The following TRPM6 variants were observed in gnomAD, a reference collection of about 807,000 sequenced individuals.
TRPM6 encodes the protein transient receptor potential cation channel subfamily M member 6.
Under a neutral mutation model 247.6 loss-of-function variants are expected in TRPM6, and 111 were observed. That is an observed-to-expected ratio of 0.45 (90% CI 0.38 to 0.52). The LOEUF (loss-of-function observed/expected upper bound fraction) is 0.52, where lower values mean the gene tolerates loss of function less well. Ranked by LOEUF, TRPM6 falls within the 20% of genes least tolerant of loss-of-function variation. The pLI, the probability that TRPM6 is intolerant of heterozygous loss-of-function variation, is 0.00. For missense variants in TRPM6, 2,126 were observed against 2,421.5 expected (o/e 0.88, Z 2.56); for synonymous variants, 892 against 853.8 (o/e 1.04, Z -0.78).
intron 33 of TRPM6, among the ~76,000 whole-genome samples, chr9:74,741,400 A>G (rs557553776): frequency 3.3e-4 from 50 of 152,152 alleles, no homozygotes; most frequent in African/African-American, 1.2e-3. Flanking sequence ...TCCCTCTTGC[A>G]TCTAATTCCT....
Position 74,812,337 on chromosome 9 carries a change from A to G in TRPM6, c.1405T>C (p.Phe469Leu). Residue 469 changes from phenylalanine to leucine, a missense_variant, in exon 12 of 39, where the codon TTT (phenylalanine) becomes CTT (leucine). By Grantham distance (22) the Phe-to-Leu change is conservative (BLOSUM62 0). Coordinates refer to ENST00000360774, the MANE Select transcript of TRPM6 (RefSeq NM_017662.5). ...TCTTCCAGTCGAGGGATGGTAAGAA[A>G]GCGATGGAGGTTCACTCCATATTCT... Reference protein sequence around the residue: ...LIEYGVNLHRFLTIPRLEELY... With the variant: ...LIEYGVNLHRLLTIPRLEELY... 1 of 1,613,908 alleles carries G rather than the reference A, an allele frequency of 6.2e-7. No homozygotes were observed. Among genetic ancestry groups the G allele is most frequent in the Non-Finnish European group, 8.5e-7 (1 of 1,179,852 alleles).
At chr9:74,835,722 ATTTAT>A (rs1829700259) in intron 5 of TRPM6, among the ~76,000 whole-genome samples, 1 of 152,148 alleles carries the variant, frequency 6.6e-6, no homozygotes, top group Non-Finnish European at 1.5e-5. Context: ...GCTTTGGACA[ATTTAT>A]TTAGAGCTTG....
chr9:74,772,057 G>A (rs192369840), intron 24 of TRPM6, among the ~76,000 whole-genome samples: 2 of 152,328 alleles, frequency 1.3e-5, no homozygotes, highest in East Asian at 3.9e-4. Flanking sequence ...TGGAGGCTGA[G>A]CAGGGGTGGA....
intron 5 of TRPM6, among the ~76,000 whole-genome samples, chr9:74,838,486 CA>C (rs1829801809): frequency 1.3e-5 from 2 of 152,288 alleles, no homozygotes; most frequent in South Asian, 4.2e-4. Flanking sequence ...CCTTTTCAGT[CA>C]AAAGGAACTT....
intron 27 of TRPM6, among the ~76,000 whole-genome samples, chr9:74,759,007 T>C (rs907386479): frequency 6.6e-6 from 1 of 152,124 alleles, no homozygotes; most frequent in South Asian, 2.1e-4. Flanking sequence ...TGTTAACTAA[T>C]GGCAGTTATA....
intron 25 of TRPM6, among the ~76,000 whole-genome samples, chr9:74,765,876 A>C (rs1398070952): frequency 6.6e-6 from 1 of 152,226 alleles, no homozygotes; most frequent in Admixed American, 6.5e-5. Flanking sequence ...ATGTGAGTAG[A>C]ACCCTCTCTT....
intron 1 of TRPM6, among the ~76,000 whole-genome samples, chr9:74,860,676 A>G (rs974549039): frequency 2.5e-4 from 38 of 152,190 alleles, no homozygotes; most frequent in African/African-American, 8.0e-4. Flanking sequence ...ACAGAACTTA[A>G]AAGGAACTAA....
At chr9:74,838,756 TAGG>T (rs1469088129) in intron 5 of TRPM6, among the ~76,000 whole-genome samples, 4 of 106,852 alleles carry the variant, frequency 3.7e-5, no homozygotes, top group African/African-American at 1.1e-4. Context: ...CAAAATTTGA[TAGG>T]AGACACTGGG....
At chr9:74,749,906 C>T (rs1411386255) in intron 30 of TRPM6, among the ~76,000 whole-genome samples, 1 of 152,154 alleles carries the variant, frequency 6.6e-6, no homozygotes, top group East Asian at 1.9e-4. Flanking sequence ...AAGTCACCTT[C>T]TACCTGCTGG....
intron 19 of TRPM6, among the ~76,000 whole-genome samples, chr9:74,789,252 G>A (rs1443915889): frequency 2.0e-5 from 3 of 152,186 alleles, no homozygotes; most frequent in African/African-American, 7.2e-5. Context: ...GTGTCCAACT[G>A]TGAGCCCTTT....
In TRPM6 at chr9:74,820,337, T is replaced by G. The variant is rs143440493; in HGVS notation, c.1101A>C (p.Gln367His). ...FSLKQSKHLFQILMECMVHRD... is the reference protein window; with the variant it reads ...FSLKQSKHLFHILMECMVHRD... ...TGTGAACCATACACTCCATTAGAAT[T>G]TGGAAAAGGTGCTTGGACTGTTTAA... The change falls in exon 9 of 39, where the codon CAA (glutamine) becomes CAC (histidine). Residue 367 changes from glutamine to histidine, a missense_variant. Coordinates refer to ENST00000360774, the MANE Select transcript of TRPM6 (RefSeq NM_017662.5). 5.6e-5 allele frequency: 90 copies of G among 1,614,082 alleles called. No individual in the cohort carries two copies. The African/African-American group carries it at 1.1e-3, about 20-fold the overall frequency.
intron 5 of TRPM6, among the ~76,000 whole-genome samples, chr9:74,836,104 T>G (rs1829711754): frequency 6.6e-6 from 1 of 152,150 alleles, no homozygotes; most frequent in Middle Eastern, 3.2e-3. Context: ...CCTGAAAATA[T>G]TCTGTGCTCT....
intron 4 of TRPM6, among the ~76,000 whole-genome samples, chr9:74,841,890 T>C (rs1403346718): frequency 6.6e-6 from 1 of 152,006 alleles, no homozygotes; most frequent in Non-Finnish European, 1.5e-5. Flanking sequence ...TATTGAAAAA[T>C]GTGAAGGCAC....
chr9:74,786,089 C>A lies in TRPM6; in HGVS notation c.2704G>T (p.Val902Leu), dbSNP rs1286962613. The A allele has an allele frequency of 1.9e-6, 3 of 1,614,190 alleles. No homozygotes were observed. The highest frequency in any genetic ancestry group is 2.2e-5 in the South Asian group (2 of 91,082). ...ISEPGKFTQK[V>L]KVWISEYWNL... is the part of the protein sequence containing the mutation. ...CAGTACTCACTAATCCATACCTTCA[C>A]CTTTTGGGTAAACTTCCCAGGTTCT... Residue 902 changes from valine to leucine, a missense_variant, in exon 21 of 39, where the codon GTG becomes TTG. Transcript: ENST00000360774.
intron 25 of TRPM6, among the ~76,000 whole-genome samples, chr9:74,768,360 C>A (rs1826899932): frequency 1.3e-5 from 2 of 152,194 alleles, no homozygotes; most frequent in Admixed American, 1.3e-4. Flanking sequence ...CTACAATAGG[C>A]AGATGACTCC....
intron 27 of TRPM6, among the ~76,000 whole-genome samples, chr9:74,757,156 C>T (rs377066833): frequency 1.3e-5 from 2 of 149,988 alleles, no homozygotes; most frequent in African/African-American, 4.9e-5. Context: ...CCAGCCTACA[C>T]GACAGAGAAA....
At chr9:74,750,077 A>G (rs1436928485) in intron 30 of TRPM6, among the ~76,000 whole-genome samples, 2 of 152,208 alleles carry the variant, frequency 1.3e-5, no homozygotes, top group Non-Finnish European at 2.9e-5. Context: ...ATATATACTA[A>G]TAAAATTCCA....
chr9:74,775,713 T>A (rs1032678191), intron 24 of TRPM6, among the ~76,000 whole-genome samples, 170 bp downstream of exon 24: 1 of 151,456 alleles, frequency 6.6e-6, no homozygotes, highest in East Asian at 2.1e-4. Flanking sequence ...TGCGACCTCA[T>A]AATGAGGTCA....
At chr9:74,737,956 T>C (rs1193160450) in intron 36 of TRPM6, among the ~76,000 whole-genome samples, 4 of 152,190 alleles carry the variant, frequency 2.6e-5, no homozygotes, top group Non-Finnish European at 5.9e-5. Flanking sequence ...TCTCAGTCTG[T>C]GTATTTTCAT....
Sources: allele counts gnomAD v4.1 joint callset (sites outside exome capture counted in the v4.1 genomes callset), GRCh38; gene constraint gnomAD v4.1.1; transcripts MANE v1.5; gene names NCBI Gene and HGNC (gene_info 2026-07-23, HGNC 2026-07-21).